Variants in MOCOS observed in about 807,000 individuals in gnomAD.
MOCOS encodes molybdenum cofactor sulfurase.
In MOCOS, 86 loss-of-function variants were observed where a neutral mutation model predicts 83.6. The observed-to-expected ratio is 1.03, with a 90% confidence interval of 0.86 to 1.23. MOCOS has a LOEUF of 1.23. Among genes scored for constraint, MOCOS ranks in the 50% most tolerant of loss-of-function variants. MOCOS has a pLI of 0.00. For missense variants in MOCOS, 1,120 were observed against 1,126.9 expected, an observed-to-expected ratio of 0.99 and a Z score of 0.09; for synonymous variants, 445 against 434.7, an observed-to-expected ratio of 1.02 and a Z score of -0.29.
Position 36,268,634 on chromosome 18 carries a change from G to A in MOCOS, c.2616G>A (p.Val872=), listed in dbSNP as rs2091689487. 6.2e-7 allele frequency: 1 copy of A among 1,613,976 alleles called. No individual in the cohort carries two copies. The highest frequency in any genetic ancestry group is 8.5e-7 in the Non-Finnish European group (1 of 1,180,010). Residue 872 remains valine, a synonymous_variant, in exon 15 of 15, where the codon GTG becomes GTA. Coordinates refer to ENST00000261326, the MANE Select transcript of MOCOS (RefSeq NM_017947.4). ...SQVLPVLKEN[V]EGHDLPASEK... Reference sequence around the variant, plus strand: ...TGCTCCCTGTGTTGAAAGAGAATGTGGAAGGTCATGATTTACCTGCATCTG... The same window carrying A: ...TGCTCCCTGTGTTGAAAGAGAATGTAGAAGGTCATGATTTACCTGCATCTG...
intron 13 of MOCOS, among the ~76,000 whole-genome samples, chr18:36,261,679 T>TC (rs1568070191): frequency 6.6e-6 from 1 of 152,102 alleles, no homozygotes; most frequent in Non-Finnish European, 1.5e-5. Context: ...TGACAGTGGC[T>TC]CCCCCTTGAC....
intron 9 of MOCOS, among the ~76,000 whole-genome samples, chr18:36,222,216 T>C (rs1431027497): frequency 6.6e-6 from 1 of 152,212 alleles, no homozygotes; most frequent in African/African-American, 2.4e-5. Flanking sequence ...ATCTCTTCGG[T>C]ATCCTGGTTG....
chr18:36,242,003 G>A (rs573458568), intron 9 of MOCOS, among the ~76,000 whole-genome samples: 3 of 152,326 alleles, frequency 2.0e-5, no homozygotes, highest in South Asian at 2.1e-4. Flanking sequence ...CTAGGCCTCC[G>A]GGCCGTGATG....
At chr18:36,268,416 T>C in intron 14 of MOCOS, 117 bp from the exon 15 acceptor site, 1 of 1,249,302 alleles carries the variant, frequency 8.0e-7, no homozygotes, top group Admixed American at 1.8e-5. Context: ...ATATCAAGTC[T>C]CAGTATATGT....
chr18:36,226,734 G>GTTTTTTT (rs2091517439), intron 9 of MOCOS, among the ~76,000 whole-genome samples: 1 of 142,794 alleles, frequency 7.0e-6, no homozygotes, highest in Non-Finnish European at 1.5e-5. Flanking sequence ...TTGGTGTGTA[G>GTTTTTTT]TTATTTCGAG....
intron 3 of MOCOS, 109 bp from the exon 4 acceptor site, chr18:36,199,574 T>C (rs1455577553): frequency 2.6e-6 from 4 of 1,555,284 alleles, no homozygotes; most frequent in East Asian, 2.2e-5. Context: ...GGCAAACCTA[T>C]CTATCCATTA....
At chr18:36,242,657 G>C (rs905545840) in intron 9 of MOCOS, among the ~76,000 whole-genome samples, 27 of 152,308 alleles carry the variant, frequency 1.8e-4, no homozygotes, top group African/African-American at 6.3e-4. Context: ...GGCTGGAGAG[G>C]CCTCAAGAAA....
At chr18:36,216,055 T>A in intron 8 of MOCOS, 78 bp downstream of exon 8, 1 of 1,405,694 alleles carries the variant, frequency 7.1e-7, no homozygotes, top group African/African-American at 1.4e-5. Context: ...AAGAAAAGCA[T>A]GAAAAAAATC....
intron 9 of MOCOS, among the ~76,000 whole-genome samples, chr18:36,220,803 CCCA>C (rs1174094844): frequency 6.6e-6 from 1 of 152,100 alleles, no homozygotes; most frequent in Non-Finnish European, 1.5e-5. Flanking sequence ...TGCCTGTGAT[CCCA>C]GCTACTTGGG....
chr18:36,210,297 A>T (rs1009910183), intron 6 of MOCOS, among the ~76,000 whole-genome samples: 11 of 152,042 alleles, frequency 7.2e-5, no homozygotes, highest in Non-Finnish European at 1.0e-4. Flanking sequence ...CTTCTGGGGG[A>T]GATGTCGGTC....
chr18:36,258,874 A>G (rs1441153130), intron 12 of MOCOS, among the ~76,000 whole-genome samples: 1 of 152,156 alleles, frequency 6.6e-6, no homozygotes, highest in African/African-American at 2.4e-5. Context: ...AGCAACTACC[A>G]CTACCTAGAT....
chr18:36,245,921 A>T (rs2091600664), intron 9 of MOCOS, among the ~76,000 whole-genome samples: 2 of 152,068 alleles, frequency 1.3e-5, no homozygotes, highest in Admixed American at 1.3e-4. Flanking sequence ...CTATTGCTGA[A>T]ACTTTCCTGT....
chr18:36,192,393 T>C (rs1467538092), intron 1 of MOCOS, among the ~76,000 whole-genome samples: 1 of 152,128 alleles, frequency 6.6e-6, no homozygotes, highest in African/African-American at 2.4e-5. Context: ...AAAAAATTTA[T>C]CAAAAGAAGT....
In MOCOS at chr18:36,223,955, C is replaced by T. The variant is rs535676486; in HGVS notation, c.1960+3738C>T. Among the ~76,000 whole-genome samples the T allele has an allele frequency of 3.3e-5, 5 of 152,268 alleles. No homozygotes were observed. The East Asian group carries it at 9.7e-4, about 29-fold the overall frequency. On this transcript the variant is annotated intron_variant, in intron 9 of 14. Transcript: ENST00000261326. ...CAAGCAATCCTCCTGCTTCAGCCTC[C>T]TGAGTAGCTGGGACAACAGGCATGT... is the stretch of plus-strand genomic sequence containing the variant.
At chr18:36,245,638 T>A (rs2091599669) in intron 9 of MOCOS, among the ~76,000 whole-genome samples, 1 of 152,178 alleles carries the variant, frequency 6.6e-6, no homozygotes, top group South Asian at 2.1e-4. Context: ...TTCCCAGGTG[T>A]TCTTTAAGCT....
chr18:36,215,981 A>G lies in MOCOS; in HGVS notation c.1797+4A>G. On this transcript the variant is annotated splice_donor_region_variant and intron_variant, in intron 8 of 14. Transcript: ENST00000261326. ...CAAATCCTGTGCTGCATTTGAGGTA[A>G]GGAATTTCACAGCAGCACAGAAAGT... The G allele has an allele frequency of 6.2e-7, 1 of 1,610,590 alleles. No homozygotes were observed. The highest frequency in any genetic ancestry group is 8.5e-7 in the Non-Finnish European group (1 of 1,178,842).
chr18:36,199,895 C>T lies in MOCOS; in HGVS notation c.512C>T (p.Pro171Leu), dbSNP rs150556770. 9.8e-4 allele frequency: 1,589 copies of T among 1,613,990 alleles called. 7 individuals are homozygous for T. Among genetic ancestry groups the T allele is most frequent in the South Asian group, 1.8e-3 (167 of 91,052 alleles). ...ATGGCTATAAATGTCATATCCACCC[C>T]GGTCAGGCCAGAGGACCTGTGGTCT... Reference protein sequence around the residue: ...VTMAINVISTPVRPEDLWSAE... With the variant: ...VTMAINVISTLVRPEDLWSAE... Residue 171 changes from proline to leucine, a missense_variant, in exon 4 of 15, where the codon CCG becomes CTG. Physicochemically the swap from Pro to Leu is moderately conservative, Grantham distance 98. Transcript: ENST00000261326.
In MOCOS at chr18:36,205,285, T is replaced by C. The variant is rs2091430820; in HGVS notation, c.1218+9T>C. 4 of 1,610,394 alleles carry C rather than the reference T, an allele frequency of 2.5e-6. No individual in the cohort carries two copies. Among genetic ancestry groups the C allele is most frequent in the Non-Finnish European group, 3.4e-6 (4 of 1,177,354 alleles). ...TCATTGGTTACTCCCAGGTGGGTTT[T>C]CTTTCCATCCTGCTGACTTTATTAC... On this transcript the variant is annotated intron_variant, in intron 6 of 14. Transcript: ENST00000261326.
At chr18:36,259,592 A>G (rs1191525262) in intron 12 of MOCOS, among the ~76,000 whole-genome samples, 1 of 151,618 alleles carries the variant, frequency 6.6e-6, no homozygotes, top group South Asian at 2.1e-4. Flanking sequence ...CACCTGTGAA[A>G]AGAAGGGGGA....
Sources: gnomAD v4.1 joint callset for allele counts (sites outside exome capture counted in the v4.1 genomes callset) on GRCh38, gnomAD v4.1.1 for gene constraint, MANE v1.5 for transcripts, NCBI Gene and HGNC (gene_info 2026-07-23, HGNC 2026-07-21) for gene names.